NIPBL: variants seen among roughly 807,000 people sequenced by gnomAD.
The protein encoded by NIPBL is nipped-B-like protein.
NIPBL carries 19 observed loss-of-function variants against 321.8 expected under a neutral mutation model. That is an observed-to-expected ratio of 0.06 (90% CI 0.04 to 0.09). NIPBL has a LOEUF of 0.09. Among genes scored for constraint, NIPBL ranks in the 10% least tolerant of loss-of-function variants. NIPBL has a pLI of 1.00. For synonymous variants in NIPBL, 1,106 were observed against 1,114.1 expected, an observed-to-expected ratio of 0.99 and a Z score of 0.14; for missense variants, 2,210 against 3,327.0, an observed-to-expected ratio of 0.66 and a Z score of 8.26.
intron 1 of NIPBL, among the ~76,000 whole-genome samples, chr5:36,907,294 T>C (rs1012597186): frequency 7.2e-5 from 11 of 152,208 alleles, no homozygotes; most frequent in Non-Finnish European, 1.0e-4. Flanking sequence ...CTTGGTCTTA[T>C]AATTGTAAGA....
rs769310563 is a variant in NIPBL, at chr5:36,984,733, C to G, written c.1553C>G (p.Thr518Arg). The G allele has an allele frequency of 1.2e-6, 2 of 1,613,240 alleles. No individual in the cohort carries two copies. The highest frequency in any genetic ancestry group is 1.7e-6 in the Non-Finnish European group (2 of 1,179,604). The change falls in exon 10 of 47, where the codon ACA (threonine) becomes AGA (arginine). Residue 518 changes from threonine to arginine, a missense_variant. This residue lies in a region of NIPBL where 588 missense variants were observed against 564.1 expected (regional missense o/e 1.04). Transcript: ENST00000282516. ...DSYPQEAGGATGGNRPASQET... is the reference protein window; with the variant it reads ...DSYPQEAGGARGGNRPASQET... ...TACCCACAGGAGGCTGGGGGTGCTA[C>G]AGGAGGTAATAGACCAGCTTCTCAG...
intron 1 of NIPBL, among the ~76,000 whole-genome samples, chr5:36,894,651 C>T (rs191851127): frequency 6.6e-5 from 10 of 152,108 alleles, no homozygotes; most frequent in Admixed American, 2.0e-4. Flanking sequence ...TTTTTTCCCC[C>T]CACTGCGGGG....
intron 10 of NIPBL, among the ~76,000 whole-genome samples, chr5:36,989,648 G>A (rs1745252755): frequency 6.6e-6 from 1 of 151,874 alleles, no homozygotes. Flanking sequence ...GACCAGCCTG[G>A]CCAACATGGT....
chr5:36,956,616 CTTTTTTTTTTTTTT>C, intron 3 of NIPBL, among the ~76,000 whole-genome samples: 1 of 79,484 alleles, frequency 1.3e-5, no homozygotes, highest in African/African-American at 5.3e-5. Flanking sequence ...TAAATCACTT[CTTTTTTTTTTTTTT>C]TTTTTTTTTT....
Position 37,000,486 on chromosome 5 carries a change from A to C in NIPBL, c.3418A>C (p.Ser1140Arg). Residue 1140 changes from serine (S) to arginine (R), a missense_variant, in exon 12 of 47, where the codon AGT (serine) becomes CGT (arginine). Ser to Arg is a moderately radical substitution (Grantham distance 110). Transcript: ENST00000282516. ...RSGHSHEGRR[S>R]SGGGRYRNRS... ...TGGCCACTCTCATGAAGGAAGAAGG[A>C]GTTCAGGTGGTGGTCGTTATCGAAA... The C allele has an allele frequency of 6.2e-7, 1 of 1,613,520 alleles. No individual in the cohort carries two copies. Among genetic ancestry groups the C allele is most frequent in the Non-Finnish European group, 8.5e-7 (1 of 1,179,606 alleles).
intron 16 of NIPBL, among the ~76,000 whole-genome samples, chr5:37,005,881 CTG>C (rs1011270640): frequency 1.3e-5 from 2 of 152,034 alleles, no homozygotes; most frequent in African/African-American, 2.4e-5. Flanking sequence ...GTTTCAGAAA[CTG>C]TGTTGTCGAA....
At chr5:36,975,755 T>C in intron 8 of NIPBL, 21 bp from the exon 9 acceptor site, 1 of 1,612,190 alleles carries the variant, frequency 6.2e-7, no homozygotes, top group Non-Finnish European at 8.5e-7. Context: ...AACTGTTACT[T>C]CTATCGAATT....
intron 6 of NIPBL, among the ~76,000 whole-genome samples, chr5:36,968,343 G>A (rs905855335): frequency 1.3e-5 from 2 of 152,016 alleles, no homozygotes; most frequent in Non-Finnish European, 2.9e-5. Context: ...GCTGAGACTG[G>A]TGGATCACGA....
At chr5:36,882,253 CTTAG>C (rs2149515762) in intron 1 of NIPBL, among the ~76,000 whole-genome samples, 1 of 151,934 alleles carries the variant, frequency 6.6e-6, no homozygotes, top group African/African-American at 2.4e-5. Flanking sequence ...TCACTTGAAA[CTTAG>C]TTTAGGGATT....
In NIPBL at chr5:36,976,259, C is replaced by A; in HGVS notation, c.1352C>A (p.Ser451Tyr). 6.2e-7 allele frequency: 1 copy of A among 1,613,830 alleles called. No individual in the cohort carries two copies. The highest frequency in any genetic ancestry group is 1.1e-5 in the South Asian group (1 of 91,060). ...GTTGCTGCAAAACAACCCCAGACTT[C>A]TGTGGTACAGAATCAACAACAGATA... ...TSVAAKQPQTSVVQNQQQISQ... is the reference protein window; with the variant it reads ...TSVAAKQPQTYVVQNQQQISQ... The change falls in exon 9 of 47, where the codon TCT (serine) becomes TAT (tyrosine). Residue 451 changes from serine (S) to tyrosine (Y), a missense_variant. Transcript: ENST00000282516.
intron 38 of NIPBL, among the ~76,000 whole-genome samples, chr5:37,047,342 G>C (rs1305986104): frequency 6.6e-6 from 1 of 152,088 alleles, no homozygotes; most frequent in Non-Finnish European, 1.5e-5. Flanking sequence ...ATTTATATTA[G>C]TCTTTTGAAC....
At chr5:37,009,379 A>G (rs895843575) in intron 20 of NIPBL, among the ~76,000 whole-genome samples, 2 of 152,338 alleles carry the variant, frequency 1.3e-5, no homozygotes, top group African/African-American at 4.8e-5. Flanking sequence ...GCCATCATAG[A>G]TAATCACCGG....
intron 1 of NIPBL, among the ~76,000 whole-genome samples, chr5:36,903,269 T>C (rs1042763309): frequency 1.3e-5 from 2 of 152,192 alleles, no homozygotes; most frequent in African/African-American, 2.4e-5. Context: ...TTCTTTCTCT[T>C]GCCTGATTGC....
intron 1 of NIPBL, among the ~76,000 whole-genome samples, chr5:36,936,361 C>T (rs2149577637): frequency 1.3e-5 from 2 of 152,184 alleles, no homozygotes; most frequent in African/African-American, 4.8e-5. Context: ...TGTACCTTTT[C>T]TATGTTTAGA....
At chr5:36,969,175 T>G (rs1742577670) in intron 6 of NIPBL, among the ~76,000 whole-genome samples, 1 of 152,126 alleles carries the variant, frequency 6.6e-6, no homozygotes, top group Non-Finnish European at 1.5e-5. Context: ...AAATGAAGAG[T>G]TATGCCATCT....
intron 16 of NIPBL, among the ~76,000 whole-genome samples, chr5:37,004,684 G>T (rs751685313): frequency 3.1e-4 from 47 of 152,122 alleles, no homozygotes; most frequent in Non-Finnish European, 5.9e-4. Flanking sequence ...TGGGACCACA[G>T]ATGTGAGGCA....
At chr5:37,021,160 G>A (rs539240905) in intron 27 of NIPBL, among the ~76,000 whole-genome samples, 8 of 152,238 alleles carry the variant, frequency 5.3e-5, no homozygotes, top group Admixed American at 1.3e-4. Flanking sequence ...TTAGCGGGGC[G>A]TGGTGGCACA....
At position 37,000,140 on chromosome 5, in the gene NIPBL, A is replaced by T. The variant is rs569437840; in HGVS notation, c.3305-233A>T. Among the ~76,000 whole-genome samples the T allele has an allele frequency of 5.3e-5, 8 of 152,298 alleles. No individual in the cohort carries two copies. The East Asian group carries it at 1.4e-3, about 26-fold the overall frequency. On this transcript the variant is annotated intron_variant, in intron 11 of 46. Coordinates refer to ENST00000282516, the MANE Select transcript of NIPBL (RefSeq NM_133433.4). ...TTCAAGAACCTTCCTCTCTGTATTT[A>T]TTAGCAGTAAACACTGAGTTCATGT...
At position 36,975,895 on chromosome 5, in the gene NIPBL, A is replaced by G. The variant is rs747262673; in HGVS notation, c.988A>G (p.Lys330Glu). ...ERKQKKQKKM[K>E]LGKDEKEQSE... ...AAAACAAAAGAAGCAGAAGAAAATG[A>G]AATTAGGCAAGGATGAAAAAGAGCA... is the stretch of plus-strand genomic sequence containing the variant. Residue 330 changes from lysine to glutamate, a missense_variant, in exon 9 of 47, where the codon AAA (lysine) becomes GAA (glutamate). Lys to Glu is a moderately conservative substitution (Grantham distance 56). Around this residue, in one of 14 missense-constraint regions of NIPBL, gnomAD observed 464 missense variants for 529.5 expected, o/e 0.88. Coordinates refer to ENST00000282516, the MANE Select transcript of NIPBL (RefSeq NM_133433.4). 1.2e-6 allele frequency: 2 copies of G among 1,611,966 alleles called. No individual in the cohort carries two copies. Among genetic ancestry groups the G allele is most frequent in the African/African-American group, 2.7e-5 (2 of 74,720 alleles).
Sources: gnomAD v4.1 joint callset for allele counts (sites outside exome capture counted in the v4.1 genomes callset) on GRCh38, gnomAD v4.1.1 for gene constraint, gnomAD v4.1.1 regional missense constraint, MANE v1.5 for transcripts, NCBI Gene and HGNC (gene_info 2026-07-23, HGNC 2026-07-21) for gene names.